Variants in MITF observed in about 807,000 individuals in gnomAD.
MITF encodes microphthalmia-associated transcription factor.
In MITF, 17 loss-of-function variants were observed where a neutral mutation model predicts 60.5. The observed-to-expected ratio is 0.28, with a 90% CI of 0.19 to 0.42. The LOEUF is 0.42. MITF is among the 10% of genes least tolerant of loss of function. The pLI is 1.00. For synonymous variants in MITF, 260 were observed against 248.5 expected, an observed-to-expected ratio of 1.05 and a Z score of -0.43; for missense variants, 622 against 683.5, an observed-to-expected ratio of 0.91 and a Z score of 1.00.
intron 1 of MITF, among the ~76,000 whole-genome samples, chr3:69,808,115 A>G (rs543481717): frequency 6.8e-6 from 1 of 147,792 alleles, no homozygotes; most frequent in Admixed American, 6.8e-5. Flanking sequence ...TATAGATAGT[A>G]TAATATATAA....
At chr3:69,888,974 A>G (rs1189224642) in intron 2 of MITF, among the ~76,000 whole-genome samples, 1 of 137,600 alleles carries the variant, frequency 7.3e-6, no homozygotes, top group Non-Finnish European at 1.5e-5. Context: ...ATTTGATGGA[A>G]TTTAATTTGA....
chr3:69,879,299 G>A lies in MITF; in HGVS notation c.270G>A (p.Val90=). 1 of 1,614,184 alleles carries A rather than the reference G, an allele frequency of 6.2e-7. No individual in the cohort carries two copies. The highest frequency in any genetic ancestry group is 1.6e-4 in the Middle Eastern group (1 of 6,062). Residue 90 remains valine, a synonymous_variant, in exon 2 of 10, where the codon GTG becomes GTA. Coordinates refer to ENST00000352241, the MANE Select transcript of MITF (RefSeq NM_001354604.2). Reference sequence around the variant, plus strand: ...CGGCCCAGTTCATGCAACAGAGAGTGCCCGTGAGTCAGACACCAGCCATAA... The same window carrying A: ...CGGCCCAGTTCATGCAACAGAGAGTACCCGTGAGTCAGACACCAGCCATAA... ...LQAAQFMQQR[V]PVSQTPAINV... is the part of the protein sequence containing the mutation.
chr3:69,846,359 A>G (rs1422466650), intron 1 of MITF, among the ~76,000 whole-genome samples: 1 of 152,144 alleles, frequency 6.6e-6, no homozygotes, highest in Non-Finnish European at 1.5e-5. Context: ...CTTCTGGACC[A>G]TGTCTGGGAA....
chr3:69,861,901 C>A (rs1055741071), intron 1 of MITF, among the ~76,000 whole-genome samples: 6 of 152,038 alleles, frequency 3.9e-5, no homozygotes, highest in Non-Finnish European at 7.4e-5. Flanking sequence ...AATTACCCCA[C>A]AATAAGGCTT....
chr3:69,882,238 A>G (rs995510200), intron 2 of MITF, among the ~76,000 whole-genome samples: 2 of 152,108 alleles, frequency 1.3e-5, no homozygotes, highest in African/African-American at 4.8e-5. Context: ...AATCTGCACC[A>G]CTCATTCCTC....
chr3:69,822,850 G>C (rs925054817), intron 1 of MITF, among the ~76,000 whole-genome samples: 1 of 149,762 alleles, frequency 6.7e-6, no homozygotes, highest in Non-Finnish European at 1.5e-5. Flanking sequence ...ACTCAACCCC[G>C]TCTTATTGAG....
At chr3:69,866,816 G>A (rs2064124242) in intron 1 of MITF, among the ~76,000 whole-genome samples, 1 of 149,510 alleles carries the variant, frequency 6.7e-6, no homozygotes, top group Admixed American at 6.7e-5. Flanking sequence ...TGAATTTTTG[G>A]TTTCTCCCCC....
At chr3:69,954,490 G>A (rs2107526153) in intron 7 of MITF, among the ~76,000 whole-genome samples, 1 of 152,280 alleles carries the variant, frequency 6.6e-6, no homozygotes, top group South Asian at 2.1e-4. Flanking sequence ...CCTGAGGGAG[G>A]TGAGTGCAGT....
At chr3:69,911,614 A>G (rs2065227551) in intron 2 of MITF, among the ~76,000 whole-genome samples, 1 of 152,254 alleles carries the variant, frequency 6.6e-6, no homozygotes, top group East Asian at 1.9e-4. Context: ...ACTCCTGAAC[A>G]TCAATAAGAA....
rs141130700 is a variant in MITF, at chr3:69,793,267, C to T, written c.104+53566C>T. On this transcript the variant is annotated intron_variant, in intron 1 of 9. Transcript: ENST00000352241. The stretch of plus-strand genomic sequence containing the variant: ...CTAGGCTCAAGCAGTCTGCCTGCTT[C>T]GGCCTCCCAAAGTGTTGGGATTACA... 7.0e-3 allele frequency among the ~76,000 whole-genome samples: 1,063 copies of T among 152,226 alleles called. 5 individuals are homozygous for T. The highest frequency in any genetic ancestry group is 9.6e-3 in the Non-Finnish European group (650 of 68,018).
intron 2 of MITF, among the ~76,000 whole-genome samples, chr3:69,923,967 AATACCT>A: frequency 6.6e-6 from 1 of 152,282 alleles, no homozygotes; most frequent in Admixed American, 6.5e-5. Context: ...GCTCTGCCTA[AATACCT>A]ATGTAAGCTT....
intron 1 of MITF, among the ~76,000 whole-genome samples, chr3:69,798,262 C>T (rs1358702513): frequency 3.3e-5 from 5 of 152,150 alleles, no homozygotes; most frequent in Admixed American, 3.3e-4. Context: ...GTGAGGAAAC[C>T]ATGTTGTATT....
chr3:69,779,849 T>G (rs1406759447), intron 1 of MITF, among the ~76,000 whole-genome samples: 1 of 152,094 alleles, frequency 6.6e-6, no homozygotes, highest in South Asian at 2.1e-4. Flanking sequence ...TCAACTGAAG[T>G]CTTTTAAAGG....
At chr3:69,880,028 A>C (rs2107281338) in intron 2 of MITF, among the ~76,000 whole-genome samples, 1 of 151,870 alleles carries the variant, frequency 6.6e-6, no homozygotes, top group South Asian at 2.1e-4. Context: ...ATTCCATCTC[A>C]CACGTGTCTT....
intron 2 of MITF, among the ~76,000 whole-genome samples, chr3:69,890,724 T>G (rs180670771): frequency 2.0e-5 from 3 of 152,300 alleles, no homozygotes; most frequent in Non-Finnish European, 4.4e-5. Flanking sequence ...AACCAAGTTT[T>G]CTGTTTTGAT....
rs79176297 is a variant in MITF at position 69,883,313 on chromosome 3, C to T, written c.354+3930C>T. On this transcript the variant is annotated intron_variant, in intron 2 of 9. Transcript: ENST00000352241. ...CCTTCTACATTGTAAACTAAATTTA[C>T]GTGGGCATTTATTTGGTGGTTATCT... Among the ~76,000 whole-genome samples the T allele has an allele frequency of 7.9e-3, 1,209 of 152,226 alleles. 9 individuals are homozygous for T. Among genetic ancestry groups the T allele is most frequent in the African/African-American group, 0.026 (1,089 of 41,552 alleles).
At chr3:69,837,156 A>G (rs973544385) in intron 1 of MITF, among the ~76,000 whole-genome samples, 1 of 152,196 alleles carries the variant, frequency 6.6e-6, no homozygotes, top group African/African-American at 2.4e-5. Context: ...TCTCCATGCT[A>G]GCTACAAGAG....
chr3:69,962,471 C>T (rs1321848977), intron 9 of MITF, among the ~76,000 whole-genome samples: 2 of 152,160 alleles, frequency 1.3e-5, no homozygotes, highest in Admixed American at 6.5e-5. Context: ...ATTTTGCAGA[C>T]CCAAAAACCT....
chr3:69,907,211 G>A (rs12107268), intron 2 of MITF, among the ~76,000 whole-genome samples: 2,332 of 152,160 alleles, frequency 0.015, 25 homozygotes, highest in Middle Eastern at 0.051. Flanking sequence ...AACGTAAGTC[G>A]TCCATTGAGC....
Sources: allele counts gnomAD v4.1 joint callset (sites outside exome capture counted in the v4.1 genomes callset), GRCh38; gene constraint gnomAD v4.1.1; transcripts MANE v1.5; gene names NCBI Gene and HGNC (gene_info 2026-07-23, HGNC 2026-07-21).